The following PDE4B variants were observed in gnomAD, a reference collection of about 807,000 sequenced individuals.
The protein encoded by PDE4B is 3',5'-cyclic-AMP phosphodiesterase 4B.
Under a neutral mutation model 82.2 loss-of-function variants are expected in PDE4B, and 20 were observed. The ratio of observed to expected loss-of-function variants is 0.24; its 90% CI spans 0.17 to 0.35. PDE4B has a LOEUF of 0.35. Among genes scored for constraint, PDE4B ranks in the 10% least tolerant of loss-of-function variants. The pLI is 1.00. For synonymous variants in PDE4B, 320 were observed against 318.9 expected, an observed-to-expected ratio of 1.00 and a Z score of -0.04; for missense variants, 655 against 907.2, an observed-to-expected ratio of 0.72 and a Z score of 3.57.
At chr1:65,905,990 G>A (rs74337061) in intron 1 of PDE4B, among the ~76,000 whole-genome samples, 1 of 152,252 alleles carries the variant, frequency 6.6e-6, no homozygotes, top group Non-Finnish European at 1.5e-5. Flanking sequence ...TGATGTTGTT[G>A]TTGAGAAATC....
intron 3 of PDE4B, among the ~76,000 whole-genome samples, chr1:66,062,415 C>G (rs1326949117): frequency 6.6e-6 from 1 of 151,988 alleles, no homozygotes; most frequent in Admixed American, 6.6e-5. Context: ...GTATAACTCT[C>G]TTAAAAGAAT....
chr1:66,276,227 C>A (rs1263629284), intron 7 of PDE4B, among the ~76,000 whole-genome samples: 1 of 152,216 alleles, frequency 6.6e-6, no homozygotes, highest in East Asian at 1.9e-4. Context: ...TATCACGTCA[C>A]CTAATTCTCC....
At chr1:66,360,415 G>A (rs909356018) in intron 9 of PDE4B, 4 of 152,184 alleles carry the variant, frequency 2.6e-5, no homozygotes, top group African/African-American at 9.7e-5. Flanking sequence ...GGGAAAACAT[G>A]TGACTGTGCC....
At chr1:66,116,617 G>A (rs577457447) in intron 3 of PDE4B, among the ~76,000 whole-genome samples, 1 of 152,272 alleles carries the variant, frequency 6.6e-6, no homozygotes, top group African/African-American at 2.4e-5. Flanking sequence ...TGCTGGAGTG[G>A]CAGTTGCACA....
chr1:66,352,251 T>C (rs972206141), intron 8 of PDE4B, among the ~76,000 whole-genome samples: 1 of 152,170 alleles, frequency 6.6e-6, no homozygotes, highest in Non-Finnish European at 1.5e-5. Flanking sequence ...TGTTTTTTGG[T>C]AGCATTGCTG....
chr1:65,878,520 G>A (rs1646674079), intron 1 of PDE4B, among the ~76,000 whole-genome samples: 1 of 152,168 alleles, frequency 6.6e-6, no homozygotes, highest in African/African-American at 2.4e-5. Context: ...AGAAAATGTG[G>A]CACATATACG....
intron 3 of PDE4B, among the ~76,000 whole-genome samples, chr1:66,155,909 T>A (rs1299739285): frequency 6.6e-6 from 1 of 152,196 alleles, no homozygotes; most frequent in African/African-American, 2.4e-5. Context: ...TCTGTTTTTA[T>A]TTCTGACCCC....
At chr1:65,925,372 A>G (rs1647441771) in intron 3 of PDE4B, among the ~76,000 whole-genome samples, 1 of 152,208 alleles carries the variant, frequency 6.6e-6, no homozygotes, top group Non-Finnish European at 1.5e-5. Context: ...AAACTTTATT[A>G]AAGTACAATC....
intron 4 of PDE4B, among the ~76,000 whole-genome samples, chr1:66,249,865 T>C (rs1371162089): frequency 6.6e-6 from 1 of 152,172 alleles, no homozygotes; most frequent in Non-Finnish European, 1.5e-5. Flanking sequence ...GGCAACATAA[T>C]ACCACCCTAT....
intron 3 of PDE4B, among the ~76,000 whole-genome samples, chr1:66,085,184 T>C (rs1656943116): frequency 6.6e-6 from 1 of 152,180 alleles, no homozygotes; most frequent in Admixed American, 6.5e-5. Context: ...AGTCAATGTC[T>C]TTGCAGGCAG....
chr1:65,867,629 T>C lies in PDE4B; in HGVS notation c.-70-45616T>C, dbSNP rs74083913. On this transcript the variant is annotated intron_variant, in intron 1 of 16. Coordinates refer to ENST00000341517, the MANE Select transcript of PDE4B (RefSeq NM_002600.4). ...TTTTTATCTTAATGAACTATACAGA[T>C]ATTGTCATTTCTAAATCCCTGTTAT... is the stretch of plus-strand genomic sequence containing the variant. Among the ~76,000 whole-genome samples, 235 of 152,346 alleles carry C rather than the reference T, an allele frequency of 1.5e-3. 2 individuals carry two copies. Among genetic ancestry groups the C allele is most frequent in the African/African-American group, 5.4e-3 (224 of 41,596 alleles).
intron 3 of PDE4B, among the ~76,000 whole-genome samples, chr1:65,998,552 A>G (rs1187320976): frequency 1.3e-5 from 2 of 152,184 alleles, no homozygotes; most frequent in African/African-American, 4.8e-5. Flanking sequence ...GACAATGTGC[A>G]TTTGAGAGAT....
intron 3 of PDE4B, among the ~76,000 whole-genome samples, chr1:66,232,529 A>G (rs538873881): frequency 1.3e-5 from 2 of 152,348 alleles, no homozygotes; most frequent in African/African-American, 4.8e-5. Context: ...GCTTGATAAA[A>G]TCACCTAGGA....
intron 3 of PDE4B, among the ~76,000 whole-genome samples, chr1:65,968,020 A>T (rs537024038): frequency 6.6e-6 from 1 of 152,182 alleles, no homozygotes; most frequent in South Asian, 2.1e-4. Context: ...AGTATAATTT[A>T]AAAAAAGAAA....
At chr1:66,312,747 A>C (rs1658757500) in intron 7 of PDE4B, among the ~76,000 whole-genome samples, 1 of 152,172 alleles carries the variant, frequency 6.6e-6, no homozygotes, top group Non-Finnish European at 1.5e-5. Flanking sequence ...TGGGCCAGCC[A>C]CATGTTTTTG....
intron 3 of PDE4B, among the ~76,000 whole-genome samples, chr1:66,096,531 T>C (rs1311608478): frequency 2.8e-5 from 4 of 143,202 alleles, no homozygotes; most frequent in South Asian, 2.2e-4. Context: ...TATATATATA[T>C]ATATATATAT....
rs962284312 is a variant in PDE4B, at chr1:66,358,902, T to TA, written c.842-2705dup. On this transcript the variant is annotated intron_variant, in intron 9 of 16. Coordinates refer to ENST00000341517, the MANE Select transcript of PDE4B (RefSeq NM_002600.4). ...TGAAACTTGTGTCATTCCTATCTTTTAAAAAAAAGTGGTGCAGGAGGACAG... is the reference window on the plus strand; with the variant it reads ...TGAAACTTGTGTCATTCCTATCTTTTAAAAAAAAAGTGGTGCAGGAGGACAG... Among the ~76,000 whole-genome samples, 8 of 151,746 alleles carry TA rather than the reference T, an allele frequency of 5.3e-5. No individual in the cohort carries two copies. In the East Asian group the frequency reaches 5.8e-4, roughly 11 times the overall value.
At chr1:65,860,032 CTGTT>C (rs1646436296) in intron 1 of PDE4B, among the ~76,000 whole-genome samples, 1 of 152,052 alleles carries the variant, frequency 6.6e-6, no homozygotes, top group Admixed American at 6.6e-5. Flanking sequence ...AACTCTCTCT[CTGTT>C]TTTTAAAATT....
At chr1:66,369,077 A>G in intron 16 of PDE4B, 108 bp downstream of exon 16, 1 of 795,196 alleles carries the variant, frequency 1.3e-6, no homozygotes, top group South Asian at 2.3e-5. Context: ...ATGAAACAAT[A>G]AGGAGACAAC....
Sources: gnomAD v4.1 joint callset for allele counts (sites outside exome capture counted in the v4.1 genomes callset) on GRCh38, gnomAD v4.1.1 for gene constraint, MANE v1.5 for transcripts, NCBI Gene and HGNC (gene_info 2026-07-23, HGNC 2026-07-21) for gene names.